NMT2: variants seen among roughly 807,000 people sequenced by gnomAD.
NMT2 encodes the protein glycylpeptide N-tetradecanoyltransferase 2.
NMT2 carries 35 observed loss-of-function variants against 65.4 expected under a neutral mutation model. The ratio of observed to expected loss-of-function variants is 0.54; its 90% CI spans 0.41 to 0.71. NMT2 has a LOEUF of 0.71. NMT2 is among the 30% of genes least tolerant of loss of function. The pLI is 0.00. For missense variants in NMT2, 489 were observed against 611.3 expected, an observed-to-expected ratio of 0.80 and a Z score of 2.11; for synonymous variants, 226 against 231.8, an observed-to-expected ratio of 0.98 and a Z score of 0.23.
Position 15,168,643 on chromosome 10 carries a change from CG to C in NMT2, c.-32del. 6.5e-7 allele frequency: 1 copy of C among 1,542,156 alleles called. No homozygotes were observed. The highest frequency in any genetic ancestry group is 8.7e-7 in the Non-Finnish European group (1 of 1,145,834). ...CGGCGCTGGCTGGGGAGGCGGTGCT[CG>C]GGGCCGGGCCGGAGCGGCCGCAGCT... On this transcript the variant is annotated 5_prime_UTR_variant, in exon 1 of 12. Coordinates refer to ENST00000378165, the MANE Select transcript of NMT2 (RefSeq NM_004808.3).
intron 1 of NMT2, among the ~76,000 whole-genome samples, chr10:15,165,777 C>T (rs1188119227): frequency 2.0e-5 from 3 of 151,274 alleles, no homozygotes; most frequent in Non-Finnish European, 4.4e-5. Flanking sequence ...ACTTAGGAGG[C>T]TGAGACAGGA....
In NMT2 at chr10:15,132,847, G is replaced by A. The variant is rs1403247172; in HGVS notation, c.689C>T (p.Ala230Val). The A allele has an allele frequency of 5.0e-6, 8 of 1,613,142 alleles. No homozygotes were observed. Among genetic ancestry groups the A allele is most frequent in the Non-Finnish European group, 6.8e-6 (8 of 1,179,422 alleles). The part of the protein sequence containing the change: ...SNKKLVGFIS[A>V]IPANIRIYDS... ...ATAAATCCGAATGTTTGCTGGGATG[G>A]CACTTATGAACCCGACCAGTTTTTT... Residue 230 changes from alanine to valine, a missense_variant, in exon 6 of 12, where the codon GCC becomes GTC. Transcript: ENST00000378165.
chr10:15,167,984 C>A (rs1833431176), intron 1 of NMT2, among the ~76,000 whole-genome samples: 1 of 152,214 alleles, frequency 6.6e-6, no homozygotes, highest in South Asian at 2.1e-4. Flanking sequence ...GCGGCCCCGA[C>A]ACCATCGGGG....
intron 1 of NMT2, among the ~76,000 whole-genome samples, chr10:15,148,580 G>A (rs77973670): frequency 0.097 from 14,807 of 152,182 alleles, 785 homozygotes; most frequent in Middle Eastern, 0.23. Context: ...ATTTAGTATA[G>A]TAGCTGGCAC....
chr10:15,147,131 A>C (rs1382659682), intron 1 of NMT2, among the ~76,000 whole-genome samples: 2 of 145,708 alleles, frequency 1.4e-5, no homozygotes, highest in Non-Finnish European at 1.5e-5. Context: ...AAAAAAAAAA[A>C]AAAAGTGACA....
At chr10:15,127,249 T>C (rs1203828882) in intron 8 of NMT2, among the ~76,000 whole-genome samples, 1 of 123,930 alleles carries the variant, frequency 8.1e-6, no homozygotes, top group Non-Finnish European at 1.7e-5. Context: ...AATAAAAAAA[T>C]AAAAAAAATA....
At chr10:15,138,782 C>T (rs1846615560) in intron 2 of NMT2, among the ~76,000 whole-genome samples, 1 of 151,772 alleles carries the variant, frequency 6.6e-6, no homozygotes, top group Non-Finnish European at 1.5e-5. Flanking sequence ...GGAAAGAGCC[C>T]CAGATTTTAA....
intron 2 of NMT2, among the ~76,000 whole-genome samples, chr10:15,137,941 C>T (rs1846575478): frequency 6.6e-6 from 1 of 152,074 alleles, no homozygotes; most frequent in Non-Finnish European, 1.5e-5. Context: ...CATGAAATGT[C>T]CCTTTGCGAA....
intron 7 of NMT2, 102 bp from the exon 8 acceptor site, chr10:15,128,560 T>TA (rs1846175164): frequency 4.2e-6 from 3 of 712,900 alleles, no homozygotes; most frequent in Non-Finnish European, 7.4e-6. Flanking sequence ...ACTGAATACT[T>TA]ACGTTGTACT....
At chr10:15,154,447 A>G (rs1483098846) in intron 1 of NMT2, among the ~76,000 whole-genome samples, 1 of 152,246 alleles carries the variant, frequency 6.6e-6, no homozygotes, top group African/African-American at 2.4e-5. Flanking sequence ...AACAGTATAC[A>G]GTAGGTGCCC....
In NMT2 at chr10:15,112,862, G is replaced by A. The variant is rs1358073569; in HGVS notation, c.1272C>T (p.Phe424=). 18 of 1,614,046 alleles carry A rather than the reference G, an allele frequency of 1.1e-5. No individual in the cohort carries two copies. Among genetic ancestry groups the A allele is most frequent in the Non-Finnish European group, 1.4e-5 (17 of 1,180,026 alleles). ...GGGGCGTCTCTGTGTGGATGTTGTA[G>A]AATGAGTAGGCGGCTTTGAGGCTCT... is the stretch of plus-strand genomic sequence containing the variant. The part of the protein sequence containing the change: ...AHKSLKAAYS[F]YNIHTETPLL... The change falls in exon 10 of 12, where the codon TTC becomes TTT. Residue 424 remains phenylalanine (F), a synonymous_variant. Coordinates refer to ENST00000378165, the MANE Select transcript of NMT2 (RefSeq NM_004808.3).
intron 3 of NMT2, 27 bp downstream of exon 3, chr10:15,135,245 GAA>G: frequency 2.5e-6 from 4 of 1,610,308 alleles, no homozygotes; most frequent in Non-Finnish European, 3.4e-6. Context: ...TGTTTGTGGG[GAA>G]AAAAAGAGAA....
chr10:15,127,112 G>T (rs1003653086), intron 8 of NMT2, among the ~76,000 whole-genome samples: 3 of 151,968 alleles, frequency 2.0e-5, no homozygotes, highest in Non-Finnish European at 4.4e-5. Flanking sequence ...GCACACACCT[G>T]TAATTCCAGC....
intron 10 of NMT2, among the ~76,000 whole-genome samples, chr10:15,110,549 T>C (rs951840918): frequency 2.0e-5 from 3 of 152,034 alleles, no homozygotes; most frequent in African/African-American, 7.3e-5. Flanking sequence ...TGAGGCAGGA[T>C]TGCATAAGCC....
chr10:15,164,331 A>T (rs906322983), intron 1 of NMT2, among the ~76,000 whole-genome samples: 1 of 152,124 alleles, frequency 6.6e-6, no homozygotes, highest in Non-Finnish European at 1.5e-5. Flanking sequence ...CTTCCAGTGA[A>T]TATTGAGGGA....
chr10:15,124,489 C>T (rs769464409), intron 8 of NMT2, among the ~76,000 whole-genome samples: 2 of 152,044 alleles, frequency 1.3e-5, no homozygotes, highest in East Asian at 1.9e-4. Flanking sequence ...AGCATAACGC[C>T]GGCCACAATA....
At chr10:15,162,887 TTA>T in intron 1 of NMT2, among the ~76,000 whole-genome samples, 1 of 148,632 alleles carries the variant, frequency 6.7e-6, no homozygotes, top group Non-Finnish European at 1.5e-5. Flanking sequence ...CTTTTGATAT[TTA>T]TATATGTGAT....
intron 1 of NMT2, among the ~76,000 whole-genome samples, chr10:15,145,676 G>A (rs1846938241): frequency 6.6e-6 from 1 of 152,164 alleles, no homozygotes; most frequent in South Asian, 2.1e-4. Flanking sequence ...CACCAAGTCT[G>A]GCCTGAATGG....
intron 2 of NMT2, among the ~76,000 whole-genome samples, chr10:15,140,416 G>A (rs1301682088): frequency 1.3e-5 from 2 of 152,034 alleles, no homozygotes; most frequent in African/African-American, 2.4e-5. Flanking sequence ...GAGCCATCGT[G>A]CCCAGCCTAT....
Sources: allele counts gnomAD v4.1 joint callset (sites outside exome capture counted in the v4.1 genomes callset), GRCh38; gene constraint gnomAD v4.1.1; transcripts MANE v1.5; gene names NCBI Gene and HGNC (gene_info 2026-07-23, HGNC 2026-07-21).